The following PARP11 variants were observed in gnomAD, a reference collection of about 807,000 sequenced individuals.
The protein encoded by PARP11 is poly(ADP-ribose) polymerase family member 11.
Under a neutral mutation model 42.9 loss-of-function variants are expected in PARP11, and 31 were observed. The ratio of observed to expected loss-of-function variants is 0.72; its 90% confidence interval spans 0.54 to 0.98. The LOEUF (loss-of-function observed/expected upper bound fraction) is 0.98, where lower values mean the gene tolerates loss of function less well. PARP11 is among the 50% of genes least tolerant of loss of function. The pLI is 0.00. For synonymous variants in PARP11, 137 were observed against 127.3 expected (o/e 1.08, Z -0.51); for missense variants, 365 against 413.1 (o/e 0.88, Z 1.01).
intron 1 of PARP11, among the ~76,000 whole-genome samples, chr12:3,854,320 C>T (rs773067923): frequency 2.0e-5 from 3 of 152,158 alleles, no homozygotes; most frequent in Non-Finnish European, 4.4e-5. Flanking sequence ...GCACAAAAAA[C>T]TCTTCAAAAA....
rs1565527284 is a variant in PARP11 at position 3,810,668 on chromosome 12, AAGGAAGG to A, written c.*1448_*1454del. On this transcript the variant is annotated 3_prime_UTR_variant, in exon 8 of 8. Coordinates refer to ENST00000228820, the MANE Select transcript of PARP11 (RefSeq NM_020367.6). ...GAAAGAAGGAAGGAAGGAAGGAAGG[AAGGAAGG>A]AAGGAAGGAAAGAAAGAAGGAAGGA... 1 of 147,356 alleles carries A rather than the reference AAGGAAGG, an allele frequency of 6.8e-6. No homozygotes were observed. The highest frequency in any genetic ancestry group is 2.6e-5 in the African/African-American group (1 of 39,046). The allele number at this position is 147,356 out of a possible 1,614,324, so 9.1% of individuals were successfully genotyped here.
At chr12:3,825,900 T>C (rs1947510086) in intron 4 of PARP11, among the ~76,000 whole-genome samples, 1 of 152,012 alleles carries the variant, frequency 6.6e-6, no homozygotes, top group Non-Finnish European at 1.5e-5. Context: ...CTAATTTTTT[T>C]TGTATTTTTA....
chr12:3,826,352 G>T, intron 3 of PARP11, 119 bp from the exon 4 acceptor site: 1 of 646,390 alleles, frequency 1.5e-6, no homozygotes, highest in South Asian at 2.5e-5. Flanking sequence ...GGGAGTAGCT[G>T]GCAAGCATAG....
intron 1 of PARP11, chr12:3,841,733 C>T: frequency 6.2e-7 from 1 of 1,612,794 alleles, no homozygotes; most frequent in Non-Finnish European, 8.5e-7. Flanking sequence ...GTTCCTATTG[C>T]ACCTCCTTTC....
At chr12:3,821,774 C>G in intron 6 of PARP11, 99 bp downstream of exon 6, 1 of 1,250,570 alleles carries the variant, frequency 8.0e-7, no homozygotes, top group South Asian at 1.3e-5. Flanking sequence ...AGAAAAACAG[C>G]ATGTCTACAC....
chr12:3,858,010 C>G (rs979187435), intron 1 of PARP11, among the ~76,000 whole-genome samples: 1 of 152,192 alleles, frequency 6.6e-6, no homozygotes, highest in Admixed American at 6.5e-5. Context: ...CAGTTGCCAA[C>G]ACTCGGAAAA....
intron 6 of PARP11, among the ~76,000 whole-genome samples, chr12:3,820,240 G>A (rs2138021637): frequency 6.6e-6 from 1 of 152,202 alleles, no homozygotes; most frequent in East Asian, 1.9e-4. Flanking sequence ...AAGTAAGAGA[G>A]GCCTAGGCAA....
At chr12:3,854,365 TCAA>T (rs1300577860) in intron 1 of PARP11, among the ~76,000 whole-genome samples, 2 of 152,016 alleles carry the variant, frequency 1.3e-5, no homozygotes, top group South Asian at 2.1e-4. Context: ...TTTGAAAAGA[TCAA>T]CAAAATTGAT....
intron 1 of PARP11, among the ~76,000 whole-genome samples, chr12:3,846,701 G>A (rs1255567291): frequency 1.3e-5 from 2 of 151,454 alleles, no homozygotes; most frequent in African/African-American, 4.9e-5. Context: ...AGCTTGCAGT[G>A]AGCCAAGATT....
chr12:3,825,294 T>C (rs181581685), intron 4 of PARP11, among the ~76,000 whole-genome samples: 294 of 152,362 alleles, frequency 1.9e-3, no homozygotes, highest in Admixed American at 3.1e-3. Flanking sequence ...AGACTTCTTA[T>C]GGCCAGAGCA....
chr12:3,821,891 A>G lies in PARP11; in HGVS notation c.530T>C (p.Leu177Ser). 6.2e-7 allele frequency: 1 copy of G among 1,606,636 alleles called. No homozygotes were observed. The highest frequency in any genetic ancestry group is 8.5e-7 in the Non-Finnish European group (1 of 1,178,508). Residue 177 changes from leucine (L) to serine (S), a missense_variant, in exon 6 of 8, where the codon TTG becomes TCG. Leu to Ser is a moderately radical substitution (Grantham distance 145, BLOSUM62 -2). Coordinates refer to ENST00000228820, the MANE Select transcript of PARP11 (RefSeq NM_020367.6). ...KRIQRIQNLD[L>S]WEFFCRKKAQ... is the part of the protein sequence containing the mutation. ...ATCTCACCTGCAAAAGAACTCCCAC[A>G]AATCTAGGTTTTGAATTCTCTGAAT...
At chr12:3,856,540 T>C (rs1208233923) in intron 1 of PARP11, among the ~76,000 whole-genome samples, 1 of 152,168 alleles carries the variant, frequency 6.6e-6, no homozygotes, top group Non-Finnish European at 1.5e-5. Context: ...TCACTGGTCA[T>C]CAGAGAAATC....
intron 1 of PARP11, among the ~76,000 whole-genome samples, chr12:3,859,335 C>T (rs576472529): frequency 8.6e-5 from 13 of 151,844 alleles, no homozygotes; most frequent in Non-Finnish European, 1.3e-4. Context: ...GAGGCCGAGG[C>T]GAGTGGATCA....
intron 1 of PARP11, among the ~76,000 whole-genome samples, chr12:3,854,558 C>T (rs1445377833): frequency 6.6e-6 from 1 of 152,160 alleles, no homozygotes; most frequent in Non-Finnish European, 1.5e-5. Flanking sequence ...AATTCCTGGA[C>T]ATATACACCC....
chr12:3,823,120 T>C (rs1298598063), intron 4 of PARP11, among the ~76,000 whole-genome samples: 1 of 152,244 alleles, frequency 6.6e-6, no homozygotes, highest in Non-Finnish European at 1.5e-5. Flanking sequence ...TGGAGGTTAC[T>C]AAATAAATTA....
At chr12:3,833,564 A>G (rs1369857815) in intron 1 of PARP11, among the ~76,000 whole-genome samples, 1 of 152,220 alleles carries the variant, frequency 6.6e-6, no homozygotes, top group Non-Finnish European at 1.5e-5. Context: ...ACATCACGCC[A>G]CTGCACTCCA....
intron 6 of PARP11, among the ~76,000 whole-genome samples, chr12:3,818,768 T>C (rs1947339854): frequency 6.6e-6 from 1 of 152,248 alleles, no homozygotes; most frequent in South Asian, 2.1e-4. Flanking sequence ...CTTTTCAGTA[T>C]GTAATCGTAC....
At chr12:3,829,315 C>A (rs1000104232) in intron 2 of PARP11, among the ~76,000 whole-genome samples, 83 of 152,146 alleles carry the variant, frequency 5.5e-4, no homozygotes, top group Admixed American at 2.2e-3. Flanking sequence ...ACAGATTATT[C>A]CAATAATTAT....
At chr12:3,862,095 G>C (rs902834499) in intron 1 of PARP11, among the ~76,000 whole-genome samples, 3 of 151,990 alleles carry the variant, frequency 2.0e-5, no homozygotes, top group African/African-American at 4.8e-5. Flanking sequence ...TGTTCAACAT[G>C]ATTAGTCATT....
Sources: gnomAD v4.1 joint callset for allele counts (sites outside exome capture counted in the v4.1 genomes callset) on GRCh38, gnomAD v4.1.1 for gene constraint, MANE v1.5 for transcripts, NCBI Gene and HGNC (gene_info 2026-07-23, HGNC 2026-07-21) for gene names.